Variants in CEP295NL observed in about 807,000 individuals in gnomAD.
CEP295NL encodes the protein CEP295 N-terminal like.
In CEP295NL, 3 loss-of-function variants were observed where a neutral mutation model predicts 4.6. The observed-to-expected ratio is 0.65, with a 90% CI of 0.30 to 1.69. The LOEUF is 1.69. CEP295NL is among the 40% of genes most tolerant of loss of function. The pLI, the probability that CEP295NL is intolerant of heterozygous loss-of-function variation, is 0.10. For missense variants in CEP295NL, 719 were observed against 769.0 expected (o/e 0.93, Z 0.77); for synonymous variants, 295 against 312.2 (o/e 0.94, Z 0.58).
chr17:78,892,763 C>A (rs898539959), intron 2 of CEP295NL, among the ~76,000 whole-genome samples: 1 of 152,110 alleles, frequency 6.6e-6, no homozygotes, highest in Non-Finnish European at 1.5e-5. Context: ...GTGCTCCGGG[C>A]CTGCAGCTGG....
intron 2 of CEP295NL, among the ~76,000 whole-genome samples, chr17:78,895,605 C>G (rs987770861): frequency 6.6e-6 from 1 of 152,216 alleles, no homozygotes; most frequent in African/African-American, 2.4e-5. Context: ...CAGACTTACC[C>G]TATGACCCAG....
chr17:78,891,857 TGA>T lies in CEP295NL; in HGVS notation c.645_646del (p.His216ProfsTer5). ...CTTTCTCTTCTCAGGCGGGGCCAGGTGAGAATTCATCCGACCCGTGGCTTTTG... is the reference window on the plus strand; with the variant it reads ...CTTTCTCTTCTCAGGCGGGGCCAGGTGAATTCATCCGACCCGTGGCTTTTG... On this transcript the variant is annotated frameshift_variant, in exon 3 of 3. Coordinates refer to ENST00000322630, the MANE Select transcript of CEP295NL (RefSeq NM_001243540.2). LOFTEE classifies it low-confidence loss of function (END_TRUNC). The surrounding 1 kb of genome is among the most constrained non-coding windows in gnomAD (Gnocchi z 4.5). 1 of 1,550,028 alleles carries T rather than the reference TGA, an allele frequency of 6.5e-7. No homozygotes were observed. The highest frequency in any genetic ancestry group is 2.4e-5 in the East Asian group (1 of 40,918).
Position 78,891,356 on chromosome 17 carries a change from T to C in CEP295NL, c.1148A>G (p.Gln383Arg). ...PGEGHAFSEM[Q>R]ECGAGTPRGK... ...TCTTGGGGTCCCAGCGCCACACTCT[T>C]GCATCTCTGAGAAGGCATGCCCTTC... Residue 383 changes from glutamine to arginine, a missense_variant, in exon 3 of 3, where the codon CAA becomes CGA. Coordinates refer to ENST00000322630, the MANE Select transcript of CEP295NL (RefSeq NM_001243540.2). This position sits in a 1 kb window ranked among gnomAD's most constrained non-coding sequence, Gnocchi z 4.5. 6.4e-7 allele frequency: 1 copy of C among 1,550,544 alleles called. No individual in the cohort carries two copies. Among genetic ancestry groups the C allele is most frequent in the Non-Finnish European group, 8.7e-7 (1 of 1,146,992 alleles).
rs111649218 is a variant in CEP295NL at position 78,901,288 on chromosome 17, G to A, written c.44+497C>T. Reference sequence around the variant, plus strand: ...AATGGCCAATTTGATCATGTCACGGGATAAAGTTTCAAAATCAATAAAACC... The same window carrying A: ...AATGGCCAATTTGATCATGTCACGGAATAAAGTTTCAAAATCAATAAAACC... On this transcript the variant is annotated intron_variant, in intron 2 of 2. Transcript: ENST00000322630. 325 of 157,482 alleles carry A rather than the reference G, an allele frequency of 2.1e-3. 2 individuals are homozygous for A. Among genetic ancestry groups the A allele is most frequent in the African/African-American group, 7.5e-3 (311 of 41,580 alleles). 9.8% of individuals were successfully genotyped at this position (157,482 alleles called of 1,614,324 possible).
intron 2 of CEP295NL, chr17:78,899,608 C>T (rs1316783317): frequency 6.6e-6 from 1 of 152,218 alleles, no homozygotes; most frequent in African/African-American, 2.4e-5. Context: ...GCAGCTCGCC[C>T]TGGCTCCCCT....
In CEP295NL at chr17:78,892,284, G is replaced by T. The variant is rs1441712259; in HGVS notation, c.220C>A (p.Leu74Met). Residue 74 changes from leucine to methionine, a missense_variant, in exon 3 of 3, where the codon CTG becomes ATG. Transcript: ENST00000322630. ...AATTTGTGCTTTTTCCTCCAAAGCA[G>T]GTCTTCGTTATCAGGACAGAGGCTC... ...WLSLCPDNED[L>M]LWRKKHKLLQ... is the part of the protein sequence containing the mutation. 1.3e-6 allele frequency: 2 copies of T among 1,550,752 alleles called. No individual in the cohort carries two copies. The highest frequency in any genetic ancestry group is 1.7e-6 in the Non-Finnish European group (2 of 1,147,040).
Position 78,891,107 on chromosome 17 carries a change from T to C in CEP295NL, c.1397A>G (p.Tyr466Cys), listed in dbSNP as rs2069884831. The C allele has an allele frequency of 1.3e-6, 2 of 1,550,850 alleles. No individual in the cohort carries two copies. The highest frequency in any genetic ancestry group is 1.7e-6 in the Non-Finnish European group (2 of 1,147,056). ...IFINKEDSLL[Y>C]STESGQETPK... ...GGTCTCTTGTCCAGATTCAGTGCTA[T>C]ACAATAATGAGTCCTCTTTGTTGAT... The change falls in exon 3 of 3, where the codon TAT becomes TGT. Residue 466 changes from tyrosine (Y) to cysteine (C), a missense_variant. Transcript: ENST00000322630. This position sits in a 1 kb window ranked among gnomAD's most constrained non-coding sequence, Gnocchi z 4.5.
At position 78,891,077 on chromosome 17, in the gene CEP295NL, T is replaced by C; in HGVS notation, c.1427A>G (p.Lys476Arg). The change falls in exon 3 of 3, where the codon AAA becomes AGA. Residue 476 changes from lysine (K) to arginine (R), a missense_variant. Physicochemically the swap from Lys to Arg is conservative, Grantham distance 26. Coordinates refer to ENST00000322630, the MANE Select transcript of CEP295NL (RefSeq NM_001243540.2). The surrounding 1 kb of genome is among the most constrained non-coding windows in gnomAD (Gnocchi z 4.5). ...YSTESGQETP[K>R]LGTLAEGSLQ... ...GGAGCCCTCTGCCAGCGTGCCCAGT[T>C]TGGGGGTCTCTTGTCCAGATTCAGT... 6.4e-7 allele frequency: 1 copy of C among 1,550,984 alleles called. No individual in the cohort carries two copies. The highest frequency in any genetic ancestry group is 1.2e-5 in the South Asian group (1 of 84,064).
rs1294031079 is a variant in CEP295NL at position 78,890,805 on chromosome 17, A to G, written c.1699T>C (p.Ser567Pro). ...GATGGGGAAGTGGTGCTGAGCTCAG[A>G]TCCTCTCTCCCTTTCCTGGGCTCTC... ...STRAQERERG[S>P]ELSTTSPSGT... The change falls in exon 3 of 3, where the codon TCT becomes CCT. Residue 567 changes from serine (S) to proline (P), a missense_variant. By Grantham distance (74) the Ser-to-Pro change is moderately conservative (BLOSUM62 -1). Coordinates refer to ENST00000322630, the MANE Select transcript of CEP295NL (RefSeq NM_001243540.2). 6.5e-7 allele frequency: 1 copy of G among 1,550,384 alleles called. No individual in the cohort carries two copies. Among genetic ancestry groups the G allele is most frequent in the Non-Finnish European group, 8.7e-7 (1 of 1,147,004 alleles).
At chr17:78,902,353 T>C (rs4789861) in intron 1 of CEP295NL, among the ~76,000 whole-genome samples, 145,614 of 152,340 alleles carry the variant, frequency 0.96, 69,597 homozygotes, top group South Asian at 0.98. Flanking sequence ...GGTGATCCAC[T>C]CGCCTCGGCC....
At chr17:78,900,357 C>A (rs1599168755) in intron 2 of CEP295NL, among the ~76,000 whole-genome samples, 1 of 152,068 alleles carries the variant, frequency 6.6e-6, no homozygotes, top group South Asian at 2.1e-4. Flanking sequence ...ACCAGCCTGA[C>A]CAACGTGGTG....
chr17:78,893,729 G>A (rs1568001436), intron 2 of CEP295NL, among the ~76,000 whole-genome samples: 2 of 152,044 alleles, frequency 1.3e-5, no homozygotes. Flanking sequence ...GGAGAAGCTG[G>A]TGTTAGCTCT....
intron 2 of CEP295NL, 36 bp downstream of exon 2, chr17:78,901,749 C>T (rs1293124433): frequency 4.2e-6 from 3 of 717,220 alleles, no homozygotes; most frequent in Non-Finnish European, 7.8e-6. Context: ...CCACGAGAAG[C>T]ACCTGAAATG....
rs2145768017 is a variant in CEP295NL at position 78,890,880 on chromosome 17, T to A, written c.1624A>T (p.Arg542Trp). ...AGTCGAGCTCTTCTTTGCTCCCTCC[T>A]CTCTTTTTCTAGCTCAGCTTTGTAG... ...IHYKAELEKERREQRRARLAH... is the reference protein window; with the variant it reads ...IHYKAELEKEWREQRRARLAH... Residue 542 changes from arginine to tryptophan, a missense_variant, in exon 3 of 3, where the codon AGG (arginine) becomes TGG (tryptophan). Transcript: ENST00000322630. 1.9e-6 allele frequency: 3 copies of A among 1,550,630 alleles called. No homozygotes were observed.
chr17:78,895,101 T>C (rs2069978021), intron 2 of CEP295NL, among the ~76,000 whole-genome samples: 2 of 151,982 alleles, frequency 1.3e-5, no homozygotes, highest in South Asian at 2.1e-4. Context: ...ACCAACATGG[T>C]GAAACCCCGT....
rs1327854975 is a variant in CEP295NL at position 78,892,238 on chromosome 17, C to G, written c.266G>C (p.Gly89Ala). 1.3e-6 allele frequency: 2 copies of G among 1,550,998 alleles called. No individual in the cohort carries two copies. Among genetic ancestry groups the G allele is most frequent in the Non-Finnish European group, 1.7e-6 (2 of 1,147,092 alleles). Reference protein sequence around the residue: ...KHKLLQARGKGDLALQRRADA... With the variant: ...KHKLLQARGKADLALQRRADA... Reference sequence around the variant, plus strand: ...CGCTCTTCTCTGCAGAGCGAGATCGCCTTTGCCCCGGGCTTGTAGCAATTT... The same window carrying G: ...CGCTCTTCTCTGCAGAGCGAGATCGGCTTTGCCCCGGGCTTGTAGCAATTT... Residue 89 changes from glycine (G) to alanine (A), a missense_variant, in exon 3 of 3, where the codon GGC becomes GCC. By Grantham distance (60) the Gly-to-Ala change is moderately conservative. Transcript: ENST00000322630.
At chr17:78,900,321 G>A (rs2070070863) in intron 2 of CEP295NL, among the ~76,000 whole-genome samples, 1 of 152,128 alleles carries the variant, frequency 6.6e-6, no homozygotes, top group Non-Finnish European at 1.5e-5. Flanking sequence ...TGAGGTGGCT[G>A]GATCACCTCA....
At position 78,896,785 on chromosome 17, in the gene CEP295NL, G is replaced by A. The variant is rs1053040233; in HGVS notation, c.45-4326C>T. ...ACGGCACCAGGGCCTCCCACAGAGCGGAGTGGACACTGGGCCCATTCTCCT... is the reference window on the plus strand; with the variant it reads ...ACGGCACCAGGGCCTCCCACAGAGCAGAGTGGACACTGGGCCCATTCTCCT... On this transcript the variant is annotated intron_variant, in intron 2 of 2. Transcript: ENST00000322630. The surrounding 1 kb of genome is among the most constrained non-coding windows in gnomAD (Gnocchi z 4.4). 6.6e-6 allele frequency among the ~76,000 whole-genome samples: 1 copy of A among 152,136 alleles called. No individual in the cohort carries two copies. The highest frequency in any genetic ancestry group is 6.5e-5 in the Admixed American group (1 of 15,278).
Position 78,891,343 on chromosome 17 carries a change from A to G in CEP295NL, c.1161T>C (p.Ala387=), listed in dbSNP as rs547365048. The G allele has an allele frequency of 3.9e-6, 6 of 1,550,244 alleles. No individual in the cohort carries two copies. In the East Asian group the frequency reaches 1.5e-4, roughly 38 times the overall value. Residue 387 remains alanine (A), a synonymous_variant, in exon 3 of 3, where the codon GCT becomes GCC. Coordinates refer to ENST00000322630, the MANE Select transcript of CEP295NL (RefSeq NM_001243540.2). This position sits in a 1 kb window ranked among gnomAD's most constrained non-coding sequence, Gnocchi z 4.5. ...HAFSEMQECG[A]GTPRGKKMAD... ...CCATTTTCTTCCCTCTTGGGGTCCC[A>G]GCGCCACACTCTTGCATCTCTGAGA... is the stretch of plus-strand genomic sequence containing the variant.
Sources: gnomAD v4.1 joint callset for allele counts (sites outside exome capture counted in the v4.1 genomes callset) on GRCh38, gnomAD v4.1.1 for gene constraint, Gnocchi (gnomAD v3.1) non-coding constraint, MANE v1.5 for transcripts, NCBI Gene and HGNC (gene_info 2026-07-23, HGNC 2026-07-21) for gene names.